Variants in ILRUN observed in about 807,000 individuals in gnomAD.
The protein encoded by ILRUN is inflammation and lipid regulator with UBA-like and NBR1-like domains.
ILRUN carries 3 observed loss-of-function variants against 33.8 expected under a neutral mutation model. That is an observed-to-expected ratio of 0.09 (90% CI 0.04 to 0.23). ILRUN has a LOEUF of 0.23. Among genes scored for constraint, ILRUN ranks in the 10% least tolerant of loss-of-function variants. ILRUN has a pLI of 1.00. For missense variants in ILRUN, 210 were observed against 375.1 expected, an observed-to-expected ratio of 0.56 and a Z score of 3.64; for synonymous variants, 124 against 138.9, an observed-to-expected ratio of 0.89 and a Z score of 0.75.
intron 3 of ILRUN, chr6:34,617,029 C>G (rs1015308438): frequency 3.7e-6 from 2 of 534,236 alleles, no homozygotes; most frequent in Non-Finnish European, 7.3e-6. Flanking sequence ...TGACAGACAA[C>G]ACTTTGATTG....
intron 3 of ILRUN, among the ~76,000 whole-genome samples, chr6:34,625,182 C>G (rs995209450): frequency 6.6e-6 from 1 of 152,068 alleles, no homozygotes; most frequent in Non-Finnish European, 1.5e-5. Context: ...CCTCCTCCCC[C>G]CTTCCCCTCT....
Position 34,592,402 on chromosome 6 carries a change from G to A in ILRUN, c.862-1802C>T, listed in dbSNP as rs551269293. Among the ~76,000 whole-genome samples the A allele has an allele frequency of 7.0e-4, 107 of 152,280 alleles. No individual in the cohort carries two copies. Among genetic ancestry groups the A allele is most frequent in the African/African-American group, 2.5e-3 (105 of 41,558 alleles). Reference sequence around the variant, plus strand: ...ATGGCTGTCAGCCCGAGCCAACCACGCCTCTAGCAGACGAGCTATGAACCA... The same window carrying A: ...ATGGCTGTCAGCCCGAGCCAACCACACCTCTAGCAGACGAGCTATGAACCA... On this transcript the variant is annotated intron_variant, in intron 4 of 4. Transcript: ENST00000374023. This position sits in a 1 kb window ranked among gnomAD's most constrained non-coding sequence, Gnocchi z 4.0.
At chr6:34,610,885 C>A (rs1761733807) in intron 3 of ILRUN, among the ~76,000 whole-genome samples, 2 of 152,174 alleles carry the variant, frequency 1.3e-5, no homozygotes, top group South Asian at 4.2e-4. Context: ...AGACTAATAA[C>A]CTACCACCAC....
chr6:34,616,697 A>G (rs1761899476), intron 3 of ILRUN: 3 of 870,188 alleles, frequency 3.4e-6, no homozygotes, highest in South Asian at 1.4e-5. Context: ...CAAGGAATAT[A>G]AGCAGATGCA....
intron 4 of ILRUN, among the ~76,000 whole-genome samples, chr6:34,600,704 G>C (rs1008789902): frequency 6.6e-6 from 1 of 152,224 alleles, no homozygotes; most frequent in Non-Finnish European, 1.5e-5. Flanking sequence ...TTGGAGGCTA[G>C]AGAGAAAGCA....
intron 3 of ILRUN, among the ~76,000 whole-genome samples, chr6:34,623,989 G>A (rs1222774907): frequency 1.3e-5 from 2 of 151,882 alleles, no homozygotes; most frequent in Non-Finnish European, 2.9e-5. Flanking sequence ...CTGTCACCAC[G>A]CCCAGCTAAT....
intron 3 of ILRUN, among the ~76,000 whole-genome samples, chr6:34,631,574 G>A (rs1009836887): frequency 1.3e-5 from 2 of 151,920 alleles, no homozygotes; most frequent in South Asian, 2.1e-4. Context: ...AGTGATCTAC[G>A]CACCTCAGCC....
rs59506285 is a variant in ILRUN, at chr6:34,611,102, C to CTTT, written c.512-4201_512-4199dup. On this transcript the variant is annotated intron_variant, in intron 3 of 4. Coordinates refer to ENST00000374023, the MANE Select transcript of ILRUN (RefSeq NM_024294.4). ...TCCTTTCTTTCTTTCTTTCTGATGTCTTTTTTTTTTTTTTTAATTAAATTT... is the reference window on the plus strand; with the variant it reads ...TCCTTTCTTTCTTTCTTTCTGATGTCTTTTTTTTTTTTTTTTTTAATTAAATTT... Among the ~76,000 whole-genome samples, 117 of 121,946 alleles carry CTTT rather than the reference C, an allele frequency of 9.6e-4. 2 individuals carry two copies. Among genetic ancestry groups the CTTT allele is most frequent in the African/African-American group, 2.2e-3 (72 of 33,314 alleles). The allele number at this position is 121,946 out of a possible 152,430, so 80.0% of individuals were successfully genotyped here. A position where few individuals can be genotyped will look rare whatever the true frequency, so the allele number is the denominator to read the frequency against.
intron 4 of ILRUN, among the ~76,000 whole-genome samples, chr6:34,602,973 T>G (rs1252720611): frequency 6.6e-6 from 1 of 152,338 alleles, no homozygotes; most frequent in East Asian, 1.9e-4. Context: ...CACCCAGCTC[T>G]CATAGTGCAG....
chr6:34,643,677 G>T (rs1445485995), intron 3 of ILRUN, among the ~76,000 whole-genome samples: 1 of 152,112 alleles, frequency 6.6e-6, no homozygotes, highest in African/African-American at 2.4e-5. Flanking sequence ...AGCTTATGTT[G>T]AGAAATAAAA....
intron 2 of ILRUN, among the ~76,000 whole-genome samples, chr6:34,653,038 CT>C (rs1762699534): frequency 6.7e-6 from 1 of 149,760 alleles, no homozygotes; most frequent in African/African-American, 2.5e-5. Flanking sequence ...ATCCCAACTA[CT>C]CAGAAGGCCA....
At chr6:34,693,993 G>T (rs1195759776) in intron 1 of ILRUN, among the ~76,000 whole-genome samples, 1 of 151,886 alleles carries the variant, frequency 6.6e-6, no homozygotes, top group Non-Finnish European at 1.5e-5. Flanking sequence ...TCATTTCGCT[G>T]TATTTTTTGT....
intron 3 of ILRUN, among the ~76,000 whole-genome samples, chr6:34,645,179 G>A (rs186743239): frequency 1.3e-5 from 2 of 152,286 alleles, no homozygotes; most frequent in East Asian, 1.9e-4. Flanking sequence ...CACAGGCCAT[G>A]AGTCCAGTTA....
intron 2 of ILRUN, among the ~76,000 whole-genome samples, chr6:34,648,051 T>C (rs1277995013): frequency 6.6e-6 from 1 of 152,204 alleles, no homozygotes; most frequent in African/African-American, 2.4e-5. Context: ...GAGATATCTA[T>C]GTGTTGACTA....
chr6:34,596,539 C>A (rs541995041), intron 4 of ILRUN, among the ~76,000 whole-genome samples: 18 of 152,280 alleles, frequency 1.2e-4, no homozygotes, highest in Admixed American at 2.6e-4. Flanking sequence ...TCTAGAACTC[C>A]TGACCTCAGG....
At position 34,646,535 on chromosome 6, in the gene ILRUN, A is replaced by C; in HGVS notation, c.511+66T>G. 6.6e-7 allele frequency: 1 copy of C among 1,512,934 alleles called. No homozygotes were observed. The highest frequency in any genetic ancestry group is 1.1e-5 in the South Asian group (1 of 87,254). The allele number at this position is 1,512,934 out of a possible 1,614,324, so 93.7% of individuals were successfully genotyped here. On this transcript the variant is annotated intron_variant, in intron 3 of 4. Coordinates refer to ENST00000374023, the MANE Select transcript of ILRUN (RefSeq NM_024294.4). This position sits in a 1 kb window ranked among gnomAD's most constrained non-coding sequence, Gnocchi z 4.9. ...TGCAATTTGACAGGCTCTGTGAGCAACACTGGGGATGTTATAAGATGTTAC... is the reference window on the plus strand; with the variant it reads ...TGCAATTTGACAGGCTCTGTGAGCACCACTGGGGATGTTATAAGATGTTAC...
At chr6:34,677,466 ATATT>A (rs1314483785) in intron 1 of ILRUN, among the ~76,000 whole-genome samples, 2 of 152,178 alleles carry the variant, frequency 1.3e-5, no homozygotes, top group African/African-American at 4.8e-5. Context: ...TAACTATAAT[ATATT>A]TAAGTTAAAA....
At chr6:34,679,591 G>A (rs891263170) in intron 1 of ILRUN, among the ~76,000 whole-genome samples, 1 of 152,106 alleles carries the variant, frequency 6.6e-6, no homozygotes, top group African/African-American at 2.4e-5. Flanking sequence ...TTAAGACTGG[G>A]AAAATGGTTA....
At chr6:34,602,852 C>T (rs1265505929) in intron 4 of ILRUN, among the ~76,000 whole-genome samples, 10 of 152,218 alleles carry the variant, frequency 6.6e-5, no homozygotes, top group Admixed American at 6.5e-4. Flanking sequence ...AGGCGTTCCC[C>T]CCAGGGACGG....
Sources: allele counts gnomAD v4.1 joint callset (sites outside exome capture counted in the v4.1 genomes callset), GRCh38; gene constraint gnomAD v4.1.1; non-coding constraint Gnocchi (gnomAD v3.1); transcripts MANE v1.5; gene names NCBI Gene and HGNC (gene_info 2026-07-23, HGNC 2026-07-21).